WDFY1: variants seen among roughly 807,000 people sequenced by gnomAD.
WDFY1 encodes WD repeat and FYVE domain containing 1, also known as WD repeat and FYVE domain-containing protein 1.
WDFY1 carries 32 observed loss-of-function variants against 56.4 expected under a neutral mutation model. That is an observed-to-expected ratio of 0.57 (90% confidence interval 0.43 to 0.76). The LOEUF is 0.76. Among genes scored for constraint, WDFY1 ranks in the 30% least tolerant of loss-of-function variants. WDFY1 has a pLI of 0.00. For missense variants in WDFY1, 480 were observed against 545.7 expected (o/e 0.88, Z 1.20); for synonymous variants, 192 against 197.3 (o/e 0.97, Z 0.23).
chr2:223,944,695 C>T (rs1209595070), intron 1 of WDFY1, among the ~76,000 whole-genome samples: 4 of 142,272 alleles, frequency 2.8e-5, no homozygotes, highest in Non-Finnish European at 4.5e-5. Context: ...GATGGACGGG[C>T]GCAGTGGGAC....
rs141890749 is a variant in WDFY1 at position 223,895,594 on chromosome 2, C to T, written c.635G>A (p.Arg212Gln). Residue 212 changes from arginine (R) to glutamine (Q), a missense_variant, in exon 7 of 12, where the codon CGG becomes CAG. Transcript: ENST00000233055. ...GTCAGATGCTCCTGAGAAGAGTAAC[C>T]GCTGAATAGGGTCCCACCAGAGGCA... ...VACLWWDPIQ[R>Q]LLFSGASDNS... The T allele has an allele frequency of 3.8e-5, 62 of 1,613,826 alleles. No individual in the cohort carries two copies. The highest frequency in any genetic ancestry group is 1.7e-4 in the Middle Eastern group (1 of 6,060).
intron 9 of WDFY1, among the ~76,000 whole-genome samples, chr2:223,884,042 C>T (rs866331740): frequency 1.9e-4 from 29 of 150,444 alleles, no homozygotes; most frequent in African/African-American, 6.7e-4. Context: ...TTTTACTTAC[C>T]TGCTTTTTTT....
chr2:223,943,621 T>C (rs896071912), intron 1 of WDFY1, among the ~76,000 whole-genome samples: 4 of 152,230 alleles, frequency 2.6e-5, no homozygotes, highest in South Asian at 4.1e-4. Context: ...AGACGGCTCA[T>C]TGCATCAAGG....
At chr2:223,941,931 A>T (rs908174229) in intron 1 of WDFY1, among the ~76,000 whole-genome samples, 12 of 152,152 alleles carry the variant, frequency 7.9e-5, no homozygotes, top group African/African-American at 2.4e-4. Context: ...CCTACTAAAA[A>T]GGTTGTTCTC....
At chr2:223,935,063 C>T (rs1048822772) in intron 1 of WDFY1, among the ~76,000 whole-genome samples, 1 of 152,094 alleles carries the variant, frequency 6.6e-6, no homozygotes, top group African/African-American at 2.4e-5. Flanking sequence ...GACGAAGCCT[C>T]TATGGGACAC....
chr2:223,931,199 ATTCCCATT>A (rs1309850354), intron 1 of WDFY1, among the ~76,000 whole-genome samples: 1 of 152,250 alleles, frequency 6.6e-6, no homozygotes, highest in African/African-American at 2.4e-5. Context: ...GAAATACAGG[ATTCCCATT>A]TTGCAAAAGT....
intron 1 of WDFY1, among the ~76,000 whole-genome samples, chr2:223,926,669 T>G (rs1326346894): frequency 6.6e-6 from 1 of 151,800 alleles, no homozygotes; most frequent in African/African-American, 2.4e-5. Context: ...TGTGTGTGTG[T>G]GTGTATGTGT....
chr2:223,905,673 T>C (rs1311698499), intron 4 of WDFY1, among the ~76,000 whole-genome samples: 1 of 151,804 alleles, frequency 6.6e-6, no homozygotes, highest in Non-Finnish European at 1.5e-5. Flanking sequence ...TGAAGAGTAG[T>C]GTGTGTTATC....
At chr2:223,889,941 G>A (rs992005465) in intron 8 of WDFY1, among the ~76,000 whole-genome samples, 1 of 152,132 alleles carries the variant, frequency 6.6e-6, no homozygotes, top group Non-Finnish European at 1.5e-5. Context: ...CTATTTTACA[G>A]GCAAAGAAAC....
chr2:223,926,399 G>T (rs551233716), intron 1 of WDFY1, among the ~76,000 whole-genome samples: 69 of 152,256 alleles, frequency 4.5e-4, no homozygotes, highest in African/African-American at 1.6e-3. Context: ...CCAAAGTGCT[G>T]AGACTACAAG....
At chr2:223,900,275 C>A (rs1693483462) in intron 5 of WDFY1, among the ~76,000 whole-genome samples, 1 of 152,200 alleles carries the variant, frequency 6.6e-6, no homozygotes, top group African/African-American at 2.4e-5. Context: ...GTAGCACATA[C>A]TATATCAGAG....
intron 5 of WDFY1, 99 bp downstream of exon 5, chr2:223,901,084 A>C: frequency 7.1e-7 from 1 of 1,404,400 alleles, no homozygotes; most frequent in African/African-American, 1.5e-5. Context: ...AATAGGTTTC[A>C]TTCAGTCTTT....
intron 1 of WDFY1, among the ~76,000 whole-genome samples, chr2:223,934,877 T>C (rs1384048421): frequency 6.6e-6 from 1 of 152,124 alleles, no homozygotes; most frequent in Admixed American, 6.5e-5. Flanking sequence ...AACAATATAA[T>C]GTGGTAAGAG....
At chr2:223,889,592 A>T (rs1693232641) in intron 8 of WDFY1, among the ~76,000 whole-genome samples, 1 of 152,144 alleles carries the variant, frequency 6.6e-6, no homozygotes, top group Non-Finnish European at 1.5e-5. Context: ...GTAAGACATG[A>T]CTTTGCTCCT....
At chr2:223,933,308 T>C (rs1436721297) in intron 1 of WDFY1, among the ~76,000 whole-genome samples, 1 of 151,468 alleles carries the variant, frequency 6.6e-6, no homozygotes, top group Non-Finnish European at 1.5e-5. Flanking sequence ...TAAACAAATA[T>C]CACCCTTCCA....
chr2:223,924,796 G>A (rs1403827941), intron 1 of WDFY1, among the ~76,000 whole-genome samples: 2 of 152,164 alleles, frequency 1.3e-5, no homozygotes, highest in East Asian at 3.8e-4. Flanking sequence ...ATGTACTGCT[G>A]TGCAGGGAAA....
chr2:223,878,854 TC>T, intron 11 of WDFY1, 124 bp from the exon 12 acceptor site: 1 of 1,227,530 alleles, frequency 8.1e-7, no homozygotes. Flanking sequence ...ATTTTCTCAT[TC>T]TCCTCTTTCA....
chr2:223,943,044 G>C (rs1689339647), intron 1 of WDFY1, among the ~76,000 whole-genome samples: 1 of 151,476 alleles, frequency 6.6e-6, no homozygotes, highest in African/African-American at 2.4e-5. Context: ...AGCTGGGCGT[G>C]GTGGCAGGCG....
Position 223,943,648 on chromosome 2 carries a change from A to C in WDFY1, c.137+1500T>G, listed in dbSNP as rs77502076. Among the ~76,000 whole-genome samples the C allele has an allele frequency of 5.4e-3, 816 of 152,376 alleles. 5 individuals carry two copies. Among genetic ancestry groups the C allele is most frequent in the African/African-American group, 0.019 (770 of 41,594 alleles). Reference sequence around the variant, plus strand: ...GCATCAAGGAAACACAGTTTCATTCAATAAACATCAGTCATTTCCTTCAAA... The same window carrying C: ...GCATCAAGGAAACACAGTTTCATTCCATAAACATCAGTCATTTCCTTCAAA... On this transcript the variant is annotated intron_variant, in intron 1 of 11. Coordinates refer to ENST00000233055, the MANE Select transcript of WDFY1 (RefSeq NM_020830.5).
Sources: gnomAD v4.1 joint callset for allele counts (sites outside exome capture counted in the v4.1 genomes callset) on GRCh38, gnomAD v4.1.1 for gene constraint, MANE v1.5 for transcripts, NCBI Gene and HGNC (gene_info 2026-07-23, HGNC 2026-07-21) for gene names.